The following C10orf90 variants were observed in gnomAD, a reference collection of about 807,000 sequenced individuals.
The protein encoded by C10orf90 is chromosome 10 open reading frame 90.
C10orf90 carries 56 observed loss-of-function variants against 62.5 expected under a neutral mutation model. That is an observed-to-expected ratio of 0.90 (90% confidence interval 0.72 to 1.12). The LOEUF is 1.12. Ranked by LOEUF, C10orf90 falls within the 50% of genes most tolerant of loss-of-function variation. C10orf90 has a pLI of 0.00. For synonymous variants in C10orf90, 386 were observed against 340.4 expected (o/e 1.13, Z -1.47); for missense variants, 970 against 880.4 (o/e 1.10, Z -1.29).
At chr10:126,544,436 G>A (rs1864444726) in intron 2 of C10orf90, among the ~76,000 whole-genome samples, 1 of 152,068 alleles carries the variant, frequency 6.6e-6, no homozygotes, top group African/African-American at 2.4e-5. Context: ...CCCTGCTGGG[G>A]GCCATTGCGT....
chr10:126,568,621 G>A (rs752753626), intron 2 of C10orf90, among the ~76,000 whole-genome samples: 8 of 152,258 alleles, frequency 5.3e-5, no homozygotes, highest in African/African-American at 1.7e-4. Context: ...TCACATATTC[G>A]TGGGTTCTAC....
intron 2 of C10orf90, among the ~76,000 whole-genome samples, chr10:126,570,377 G>A (rs1844482409): frequency 1.3e-5 from 2 of 152,200 alleles, no homozygotes; most frequent in South Asian, 4.1e-4. Flanking sequence ...TATGTTTCAG[G>A]AGTGAAACGC....
chr10:126,596,414 C>T (rs1845088289), intron 2 of C10orf90, among the ~76,000 whole-genome samples: 1 of 151,942 alleles, frequency 6.6e-6, no homozygotes. Context: ...AGAAAAGCCA[C>T]AGACCAGAAG....
intron 2 of C10orf90, among the ~76,000 whole-genome samples, chr10:126,629,842 G>A (rs1400185745): frequency 6.6e-6 from 1 of 152,062 alleles, no homozygotes; most frequent in Admixed American, 6.5e-5. Flanking sequence ...GCCAGGCAGA[G>A]CAGGATTTGC....
chr10:126,596,384 A>G (rs1255347249), intron 2 of C10orf90, among the ~76,000 whole-genome samples: 1 of 146,054 alleles, frequency 6.8e-6, no homozygotes, highest in East Asian at 2.1e-4. Context: ...TTTAAAAAAA[A>G]AAAACAACAA....
At chr10:126,461,380 A>T in intron 6 of C10orf90, 21 bp downstream of exon 6, 1 of 1,611,500 alleles carries the variant, frequency 6.2e-7, no homozygotes, top group Non-Finnish European at 8.5e-7. Context: ...GAATCAAGCC[A>T]GGACACACAG....
chr10:126,481,266 A>G lies in C10orf90; in HGVS notation c.1535-16280T>C, dbSNP rs138417994. On this transcript the variant is annotated intron_variant, in intron 4 of 9. Transcript: ENST00000488181. The stretch of plus-strand genomic sequence containing the variant: ...GTGCTCTACACAAGCTCTTATCACC[A>G]TTGAAATATCTCACTTGGAAGTGTC... Among the ~76,000 whole-genome samples, 71 of 152,324 alleles carry G rather than the reference A, an allele frequency of 4.7e-4. 1 individual carries two copies. Among genetic ancestry groups the G allele is most frequent in the South Asian group, 3.1e-3 (15 of 4,826 alleles).
chr10:126,487,567 C>T (rs1861506315), intron 4 of C10orf90, among the ~76,000 whole-genome samples: 1 of 152,098 alleles, frequency 6.6e-6, no homozygotes, highest in East Asian at 1.9e-4. Flanking sequence ...CAGAGACTAG[C>T]ACCTTGTAAA....
At chr10:126,639,050 A>G (rs749597861) in intron 2 of C10orf90, among the ~76,000 whole-genome samples, 2 of 152,214 alleles carry the variant, frequency 1.3e-5, no homozygotes, top group Non-Finnish European at 2.9e-5. Context: ...GGATGAGCAA[A>G]TATTACACCT....
intron 2 of C10orf90, among the ~76,000 whole-genome samples, chr10:126,574,160 A>T (rs79586979): frequency 0.026 from 3,734 of 146,010 alleles, 150 homozygotes; most frequent in African/African-American, 0.091. Context: ...AACTGAAATC[A>T]TTGACTACAT....
chr10:126,438,707 T>C (rs1207112019), intron 7 of C10orf90, among the ~76,000 whole-genome samples: 1 of 151,840 alleles, frequency 6.6e-6, no homozygotes, highest in East Asian at 1.9e-4. Context: ...TACCTGTTAA[T>C]AGAATTTAAT....
intron 2 of C10orf90, among the ~76,000 whole-genome samples, chr10:126,604,247 CCT>C (rs1216658855): frequency 6.6e-6 from 1 of 152,068 alleles, no homozygotes; most frequent in Non-Finnish European, 1.5e-5. Flanking sequence ...ATTCTCAGTC[CCT>C]GAGTAAAACT....
At chr10:126,487,142 CAAAAAAAA>C (rs1158481155) in intron 4 of C10orf90, among the ~76,000 whole-genome samples, 6 of 29,460 alleles carry the variant, frequency 2.0e-4, no homozygotes, top group Admixed American at 5.0e-4. Flanking sequence ...AAAACTCTGT[CAAAAAAAA>C]AAAAAAAAAA....
At chr10:126,652,080 C>T (rs542644508) in intron 1 of C10orf90, among the ~76,000 whole-genome samples, 1 of 152,274 alleles carries the variant, frequency 6.6e-6, no homozygotes, top group Admixed American at 6.5e-5. Flanking sequence ...TTTATTCAAT[C>T]TTCTGAACTC....
intron 2 of C10orf90, among the ~76,000 whole-genome samples, chr10:126,538,790 A>T (rs1305186029): frequency 6.6e-6 from 1 of 152,296 alleles, no homozygotes; most frequent in East Asian, 1.9e-4. Context: ...ACCCTGTACC[A>T]TTCTACCTCT....
intron 2 of C10orf90, among the ~76,000 whole-genome samples, chr10:126,591,933 G>A (rs1053129028): frequency 6.6e-6 from 1 of 152,088 alleles, no homozygotes; most frequent in Non-Finnish European, 1.5e-5. Context: ...AATCATGAAT[G>A]AACTCCCATT....
intron 2 of C10orf90, among the ~76,000 whole-genome samples, chr10:126,604,270 G>A (rs1845261191): frequency 6.6e-6 from 1 of 152,146 alleles, no homozygotes; most frequent in African/African-American, 2.4e-5. Context: ...GAGCCCAGGG[G>A]AAACCAGCAT....
At chr10:126,664,743 T>G (rs1846591190) in intron 1 of C10orf90, among the ~76,000 whole-genome samples, 1 of 152,218 alleles carries the variant, frequency 6.6e-6, no homozygotes. Flanking sequence ...TGACCTCTCA[T>G]TAAATACTGT....
chr10:126,577,586 G>C (rs565815329), intron 2 of C10orf90, among the ~76,000 whole-genome samples: 1 of 152,148 alleles, frequency 6.6e-6, no homozygotes, highest in East Asian at 1.9e-4. Flanking sequence ...TTGTAAAGAT[G>C]TTCCTTCTTT....
Sources: allele counts gnomAD v4.1 joint callset (sites outside exome capture counted in the v4.1 genomes callset), GRCh38; gene constraint gnomAD v4.1.1; transcripts MANE v1.5; gene names NCBI Gene and HGNC (gene_info 2026-07-23, HGNC 2026-07-21).